The following SOD2 variants were observed in gnomAD, a reference collection of about 807,000 sequenced individuals.
The protein encoded by SOD2 is superoxide dismutase [Mn], mitochondrial.
A neutral mutation model predicts 27.0 loss-of-function variants in SOD2; 11 were observed. The ratio of observed to expected loss-of-function variants is 0.41; its 90% CI spans 0.26 to 0.67. SOD2 has a LOEUF of 0.67. SOD2 is among the 30% of genes least tolerant of loss of function. SOD2 has a pLI of 0.34. For synonymous variants in SOD2, 105 were observed against 103.0 expected (o/e 1.02, Z -0.12); for missense variants, 250 against 274.5 (o/e 0.91, Z 0.63).
chr6:159,725,401 A>G (rs186367955), intron 1 of SOD2, among the ~76,000 whole-genome samples: 1 of 151,868 alleles, frequency 6.6e-6, no homozygotes, highest in Non-Finnish European at 1.5e-5. Context: ...GAATCGCTTG[A>G]ACCCAGGAGA....
chr6:159,727,167 A>G lies in SOD2; in HGVS notation c.-154T>C, dbSNP rs991738017. On this transcript the variant is annotated 5_prime_UTR_variant, in exon 1 of 3. Coordinates refer to the SOD2 transcript ENST00000401980. ...CTCCGGGGCCCGCGGAGCTCGCGCC[A>G]GGCTCCTGGGAAAGGACGGGGAGTG... 2.6e-4 allele frequency: 311 copies of G among 1,198,750 alleles called. 1 individual carries two copies. The highest frequency in any genetic ancestry group is 9.5e-4 in the Middle Eastern group (4 of 4,200). 74.3% of individuals were successfully genotyped at this position (1,198,750 alleles called of 1,614,324 possible).
At chr6:159,684,001 C>T (rs1410478689) in intron 4 of SOD2, among the ~76,000 whole-genome samples, 1 of 152,176 alleles carries the variant, frequency 6.6e-6, no homozygotes, top group African/African-American at 2.4e-5. Flanking sequence ...GCTCTATTTC[C>T]CATACTCTTC....
upstream of SOD2, among the ~76,000 whole-genome samples, chr6:159,728,265 C>G (rs1056594743): frequency 6.6e-6 from 1 of 152,046 alleles, no homozygotes; most frequent in Non-Finnish European, 1.5e-5. Context: ...GAGACAGTTA[C>G]TAGATTTTTT....
chr6:159,698,611 T>A (rs1777471316), intron 1 of SOD2, among the ~76,000 whole-genome samples: 2 of 135,346 alleles, frequency 1.5e-5, no homozygotes, highest in Non-Finnish European at 1.6e-5. Context: ...AATAAAACAT[T>A]TAGAAAAAAA....
intron 1 of SOD2, chr6:159,738,990 G>T: frequency 6.2e-7 from 1 of 1,609,696 alleles, no homozygotes; most frequent in Non-Finnish European, 8.5e-7. Context: ...CTCTTTATAG[G>T]TTCGATTGAG....
intron 1 of SOD2, among the ~76,000 whole-genome samples, chr6:159,722,937 T>A (rs558715023): frequency 6.6e-6 from 1 of 152,342 alleles, no homozygotes; most frequent in South Asian, 2.1e-4. Flanking sequence ...CTTTTTGTCC[T>A]CACTTCTAGC....
At chr6:159,732,852 C>T (rs771469866) in intron 1 of SOD2, among the ~76,000 whole-genome samples, 5 of 67,082 alleles carry the variant, frequency 7.5e-5, no homozygotes, top group Admixed American at 1.4e-4. Flanking sequence ...CTGCTTCTTT[C>T]TCTCTCTCTC....
exon 1 of SOD2, chr6:159,761,913 T>A: frequency 1.6e-6 from 1 of 642,384 alleles, no homozygotes; most frequent in South Asian, 2.2e-5. Flanking sequence ...CGCCCGCCCC[T>A]GCTCCGGCCT....
chr6:159,683,502 C>G (rs527858135), intron 4 of SOD2, among the ~76,000 whole-genome samples: 1 of 152,110 alleles, frequency 6.6e-6, no homozygotes, highest in Non-Finnish European at 1.5e-5. Context: ...CAAAAACACT[C>G]AAAATAAATT....
chr6:159,698,413 A>G (rs1777465570), intron 1 of SOD2, among the ~76,000 whole-genome samples: 1 of 151,734 alleles, frequency 6.6e-6, no homozygotes, highest in Non-Finnish European at 1.5e-5. Flanking sequence ...ATCTCAAAAC[A>G]AACAAAAAAT....
At position 159,687,205 on chromosome 6, in the gene SOD2, G is replaced by A. The variant is rs892093758; in HGVS notation, c.343+921C>T. On this transcript the variant is annotated intron_variant, in intron 3 of 4. Coordinates refer to ENST00000538183, the MANE Select transcript of SOD2 (RefSeq NM_000636.4). ...GTAGACAGAAAGTTCATCTTTTCTA[G>A]ACTGGCGCGGTGGCTCACATCCATA... Among the ~76,000 whole-genome samples, 45 of 152,156 alleles carry A rather than the reference G, an allele frequency of 3.0e-4. 2 individuals carry two copies.
intron 1 of SOD2, among the ~76,000 whole-genome samples, chr6:159,740,765 G>A (rs746076668): frequency 6.1e-5 from 9 of 148,648 alleles, no homozygotes; most frequent in Admixed American, 1.4e-4. Flanking sequence ...ATGCAGTTGC[G>A]CGATCTCGGC....
chr6:159,705,778 T>C (rs1172421528), intron 1 of SOD2, among the ~76,000 whole-genome samples: 9 of 152,150 alleles, frequency 5.9e-5, no homozygotes, highest in Admixed American at 2.0e-4. Context: ...GCCACAAAGA[T>C]ACTCCTCAAG....
Position 159,754,993 on chromosome 6 carries a change from C to T in SOD2, c.-336+6044G>A, listed in dbSNP as rs757133605. 45 of 1,546,294 alleles carry T rather than the reference C, an allele frequency of 2.9e-5. No homozygotes were observed. In the South Asian group the frequency reaches 3.1e-4, roughly 11 times the overall value. On this transcript the variant is annotated intron_variant, in intron 1 of 7. Transcript: ENST00000546087. ...AAGAAACATTTTTCAATGTTATAAA[C>T]GATATTAAAGTTGGTCTGACTCTCC... is the stretch of plus-strand genomic sequence containing the variant.
chr6:159,695,968 C>T (rs757650284), upstream of SOD2, among the ~76,000 whole-genome samples: 3 of 152,228 alleles, frequency 2.0e-5, no homozygotes, highest in Non-Finnish European at 2.9e-5. Flanking sequence ...GGCTACATCA[C>T]AGCCATCCTG....
intron 1 of SOD2, among the ~76,000 whole-genome samples, chr6:159,759,569 C>T (rs1422060028): frequency 1.3e-5 from 2 of 151,410 alleles, no homozygotes; most frequent in African/African-American, 2.4e-5. Context: ...ACTCAGGACT[C>T]TGAGGCAGAA....
At chr6:159,755,422 G>A (rs370838345) in intron 1 of SOD2, 90 of 1,614,042 alleles carry the variant, frequency 5.6e-5, no homozygotes, top group Non-Finnish European at 3.1e-5. Flanking sequence ...AACTCAGTGC[G>A]GGGTATGAAA....
At chr6:159,696,467 G>A (rs982713737), upstream of SOD2, among the ~76,000 whole-genome samples, 4 of 151,920 alleles carry the variant, frequency 2.6e-5, no homozygotes, top group African/African-American at 4.8e-5. Context: ...TTACAGGTGC[G>A]TGCCACCATG....
chr6:159,726,668 C>T lies in SOD2; in HGVS notation c.-116+461G>A, dbSNP rs866550972. ...CACTAAACCTCACAGGGCCGCCTTC[C>T]CCGTGTTCCAGTTAGCAAGGGGCCC... is the stretch of plus-strand genomic sequence containing the variant. On this transcript the variant is annotated intron_variant, in intron 1 of 2. Transcript: ENST00000401980. The T allele has an allele frequency of 2.0e-5, 16 of 813,766 alleles. No individual in the cohort carries two copies. In the Middle Eastern group the frequency reaches 4.6e-3, roughly 235 times the overall value. The allele number at this position is 813,766 out of a possible 1,614,324, so 50.4% of individuals were successfully genotyped here. A position where few individuals can be genotyped will look rare whatever the true frequency, so the allele number is the denominator to read the frequency against.
Sources: gnomAD v4.1 joint callset for allele counts (sites outside exome capture counted in the v4.1 genomes callset) on GRCh38, gnomAD v4.1.1 for gene constraint, MANE v1.5 for transcripts, NCBI Gene and HGNC (gene_info 2026-07-23, HGNC 2026-07-21) for gene names.